Variants in GLIS1 observed in about 807,000 individuals in gnomAD.
GLIS1 encodes the protein zinc finger protein GLIS1.
In GLIS1, 24 loss-of-function variants were observed where a neutral mutation model predicts 63.8. The observed-to-expected ratio is 0.38, with a 90% CI of 0.27 to 0.53. GLIS1 has a LOEUF of 0.53. Ranked by LOEUF, GLIS1 falls within the 20% of genes least tolerant of loss-of-function variation. The probability of loss-of-function intolerance (pLI) is 0.85; values close to 1 mark genes in which losing one functional copy is unlikely to be tolerated. For synonymous variants in GLIS1, 450 were observed against 482.5 expected (o/e 0.93, Z 0.88); for missense variants, 1,036 against 1,074.1 (o/e 0.96, Z 0.50).
chr1:53,582,332 T>C (rs909741034), intron 4 of GLIS1, among the ~76,000 whole-genome samples: 1 of 152,194 alleles, frequency 6.6e-6, no homozygotes, highest in Non-Finnish European at 1.5e-5. Context: ...ACCTTCCCAA[T>C]GCACTAAGAA....
intron 2 of GLIS1, among the ~76,000 whole-genome samples, chr1:53,714,103 G>A (rs886424044): frequency 3.3e-5 from 5 of 152,184 alleles, no homozygotes; most frequent in Admixed American, 3.3e-4. Context: ...AACAGCAATG[G>A]GGTTTTGTTG....
intron 2 of GLIS1, among the ~76,000 whole-genome samples, chr1:53,667,844 C>T (rs1296862970): frequency 6.6e-6 from 1 of 152,172 alleles, no homozygotes; most frequent in Non-Finnish European, 1.5e-5. Context: ...CTGTTAAAGG[C>T]CCCATCTCTT....
At chr1:53,626,473 G>GCGC (rs1285102893) in intron 2 of GLIS1, among the ~76,000 whole-genome samples, 1 of 152,234 alleles carries the variant, frequency 6.6e-6, no homozygotes, top group Non-Finnish European at 1.5e-5. Context: ...GGGACCCTGA[G>GCGC]CTGGCCGTGG....
intron 2 of GLIS1, among the ~76,000 whole-genome samples, chr1:53,624,137 T>C (rs1645571811): frequency 6.6e-6 from 1 of 152,214 alleles, no homozygotes; most frequent in African/African-American, 2.4e-5. Context: ...CACTATCTGA[T>C]TTCAAGACTT....
chr1:53,649,158 T>A (rs1326933929), intron 2 of GLIS1, among the ~76,000 whole-genome samples: 1 of 152,248 alleles, frequency 6.6e-6, no homozygotes, highest in African/African-American at 2.4e-5. Context: ...AAAATGTATG[T>A]AGATACTAGT....
At chr1:53,653,549 G>A (rs781726085) in intron 2 of GLIS1, among the ~76,000 whole-genome samples, 2 of 152,156 alleles carry the variant, frequency 1.3e-5, no homozygotes, top group African/African-American at 4.8e-5. Context: ...TTTCTCTGCA[G>A]GTGGGTATCT....
chr1:53,540,210 G>A (rs1280252665), intron 4 of GLIS1, among the ~76,000 whole-genome samples: 2 of 152,150 alleles, frequency 1.3e-5, no homozygotes, highest in Non-Finnish European at 2.9e-5. Context: ...AGCCTGCCCC[G>A]CCCACACAGC....
chr1:53,592,161 A>G lies in GLIS1; in HGVS notation c.1320+1947T>C, dbSNP rs561591830. Among the ~76,000 whole-genome samples the G allele has an allele frequency of 1.8e-3, 280 of 152,204 alleles. 1 individual carries two copies. Among genetic ancestry groups the G allele is most frequent in the African/African-American group, 6.2e-3 (256 of 41,498 alleles). Reference sequence around the variant, plus strand: ...CCTGGCAGCCTGGCCGCAGAGAGAGAGACCCTGAGTCTGCACTGAGTAACC... The same window carrying G: ...CCTGGCAGCCTGGCCGCAGAGAGAGGGACCCTGAGTCTGCACTGAGTAACC... On this transcript the variant is annotated intron_variant, in intron 4 of 10. Transcript: ENST00000628545.
Position 53,709,357 on chromosome 1 carries a change from TAC to T in GLIS1, c.259+28447_259+28448del, listed in dbSNP as rs1557534179. Reference sequence around the variant, plus strand: ...ATATATATACATATATACATATATATACATATACATATATATATACATATATA... The same window carrying T: ...ATATATATACATATATACATATATATATATACATATATATATACATATATA... On this transcript the variant is annotated intron_variant, in intron 2 of 10. Coordinates refer to ENST00000628545, the MANE Select transcript of GLIS1 (RefSeq NM_001367484.1). Among the ~76,000 whole-genome samples, 19 of 89,130 alleles carry T rather than the reference TAC, an allele frequency of 2.1e-4. 1 individual carries two copies. The highest frequency in any genetic ancestry group is 0.01 in the Middle Eastern group (2 of 200). The allele number at this position is 89,130 out of a possible 152,430, so 58.5% of individuals were successfully genotyped here.
At chr1:53,697,991 T>C (rs1050027797) in intron 2 of GLIS1, among the ~76,000 whole-genome samples, 1 of 152,144 alleles carries the variant, frequency 6.6e-6, no homozygotes, top group Non-Finnish European at 1.5e-5. Context: ...GCCCTCACGT[T>C]TGAAAACCTC....
At chr1:53,736,454 T>G (rs922020211) in intron 2 of GLIS1, among the ~76,000 whole-genome samples, 1 of 152,208 alleles carries the variant, frequency 6.6e-6, no homozygotes, top group Non-Finnish European at 1.5e-5. Flanking sequence ...GGTATCTATT[T>G]AAGGGAGGAT....
intron 5 of GLIS1, among the ~76,000 whole-genome samples, chr1:53,525,726 C>A (rs921612553): frequency 2.0e-5 from 3 of 151,880 alleles, no homozygotes; most frequent in Non-Finnish European, 4.4e-5. Context: ...CTCCCTGGTG[C>A]CCTACAGGCC....
At chr1:53,525,826 C>T (rs1427081358) in intron 5 of GLIS1, among the ~76,000 whole-genome samples, 1 of 152,136 alleles carries the variant, frequency 6.6e-6, no homozygotes, top group Non-Finnish European at 1.5e-5. Context: ...AAGCTCTCCT[C>T]GCATCCTCCA....
At chr1:53,556,912 G>A (rs1049071292) in intron 4 of GLIS1, among the ~76,000 whole-genome samples, 1 of 149,844 alleles carries the variant, frequency 6.7e-6, no homozygotes, top group Non-Finnish European at 1.5e-5. Flanking sequence ...GCAGGTATGT[G>A]TGTGTGTGTG....
chr1:53,587,758 C>A (rs1645150443), intron 4 of GLIS1, among the ~76,000 whole-genome samples: 1 of 152,216 alleles, frequency 6.6e-6, no homozygotes, highest in Admixed American at 6.5e-5. Flanking sequence ...TGAGACCAGG[C>A]AGGATTTGAT....
At chr1:53,601,756 T>C (rs1005132455) in intron 2 of GLIS1, among the ~76,000 whole-genome samples, 2 of 152,186 alleles carry the variant, frequency 1.3e-5, no homozygotes, top group African/African-American at 4.8e-5. Flanking sequence ...TTAATCGCTA[T>C]GTAATAAGAA....
At chr1:53,676,464 C>T (rs1481013320) in intron 2 of GLIS1, among the ~76,000 whole-genome samples, 1 of 152,182 alleles carries the variant, frequency 6.6e-6, no homozygotes, top group African/African-American at 2.4e-5. Flanking sequence ...TCCAACACAC[C>T]CCCATAGGCC....
chr1:53,539,945 T>C lies in GLIS1; in HGVS notation c.1321-9993A>G, dbSNP rs992531887. Among the ~76,000 whole-genome samples the C allele has an allele frequency of 6.6e-6, 1 of 152,174 alleles. No individual in the cohort carries two copies. The highest frequency in any genetic ancestry group is 1.5e-5 in the Non-Finnish European group (1 of 68,016). ...CCACGCTGCAGCCACAGGCCACACATTGCCGCCTCCACGCCTTTGCCCATG... is the reference window on the plus strand; with the variant it reads ...CCACGCTGCAGCCACAGGCCACACACTGCCGCCTCCACGCCTTTGCCCATG... On this transcript the variant is annotated intron_variant, in intron 4 of 10. Coordinates refer to ENST00000628545, the MANE Select transcript of GLIS1 (RefSeq NM_001367484.1). This position sits in a 1 kb window ranked among gnomAD's most constrained non-coding sequence, Gnocchi z 5.0.
At chr1:53,622,450 AGAAG>A (rs1335966399) in intron 2 of GLIS1, among the ~76,000 whole-genome samples, 1 of 141,474 alleles carries the variant, frequency 7.1e-6, no homozygotes, top group Non-Finnish European at 1.6e-5. Flanking sequence ...AAAAAAAAAA[AGAAG>A]AAGAAGAAGA....
Sources: gnomAD v4.1 joint callset for allele counts (sites outside exome capture counted in the v4.1 genomes callset) on GRCh38, gnomAD v4.1.1 for gene constraint, Gnocchi (gnomAD v3.1) non-coding constraint, MANE v1.5 for transcripts, NCBI Gene and HGNC (gene_info 2026-07-23, HGNC 2026-07-21) for gene names.